The following PRICKLE4 variants were observed in gnomAD, a reference collection of about 807,000 sequenced individuals.
The protein encoded by PRICKLE4 is prickle planar cell polarity protein 4.
In PRICKLE4, 40 loss-of-function variants were observed where a neutral mutation model predicts 43.5. That is an observed-to-expected ratio of 0.92 (90% CI 0.71 to 1.20). The LOEUF (loss-of-function observed/expected upper bound fraction) is 1.20, where lower values mean the gene tolerates loss of function less well. Ranked by LOEUF, PRICKLE4 falls within the 50% of genes most tolerant of loss-of-function variation. The pLI is 0.00. For synonymous variants in PRICKLE4, 208 were observed against 197.4 expected (o/e 1.05, Z -0.45); for missense variants, 527 against 491.2 (o/e 1.07, Z -0.69).
At position 41,783,905 on chromosome 6, in the gene PRICKLE4, T is replaced by C. The variant is rs1397714212; in HGVS notation, c.133-226T>C. On this transcript the variant is annotated intron_variant, in intron 3 of 7. Coordinates refer to ENST00000458694, the MANE Select transcript of PRICKLE4 (RefSeq NM_013397.6). ...GGAAAGCATAAGAAGGGAAGCTGTT[T>C]TGGGGTGTGGGGCCTCCCCAGCCTC... 3 of 716,640 alleles carry C rather than the reference T, an allele frequency of 4.2e-6. No individual in the cohort carries two copies. The Admixed American group carries it at 6.2e-5, about 15-fold the overall frequency. The allele number at this position is 716,640 out of a possible 1,614,324, so 44.4% of individuals were successfully genotyped here.
In PRICKLE4 at chr6:41,783,521, G is replaced by A; in HGVS notation, c.48G>A (p.Lys16=). Residue 16 remains lysine (K), a synonymous_variant, in exon 3 of 8, where the codon AAG becomes AAA. Coordinates refer to ENST00000458694, the MANE Select transcript of PRICKLE4 (RefSeq NM_013397.6). The stretch of plus-strand genomic sequence containing the variant: ...GGCCCCACCAAGAAGACAGCCCCAA[G>A]CCCCAGGATCCAGGTCCACCAGCCA... ...SGWPHQEDSP[K]PQDPGPPANS... 6.3e-7 allele frequency: 1 copy of A among 1,596,424 alleles called. No individual in the cohort carries two copies. Among genetic ancestry groups the A allele is most frequent in the Non-Finnish European group, 8.6e-7 (1 of 1,164,278 alleles).
Position 41,787,053 on chromosome 6 carries a change from C to G in PRICKLE4, c.1079C>G (p.Pro360Arg). The part of the protein sequence containing the change: ...PEGFFLGERL[P>R]QSWKTPGSLQ... Reference sequence around the variant, plus strand: ...GGATTTTTCTTAGGCGAGCGCCTTCCCCAGTCCTGGAAGACCCCCGGAAGC... The same window carrying G: ...GGATTTTTCTTAGGCGAGCGCCTTCGCCAGTCCTGGAAGACCCCCGGAAGC... Residue 360 changes from proline (P) to arginine (R), a missense_variant, in exon 8 of 8, where the codon CCC becomes CGC. Transcript: ENST00000458694. 1 of 1,613,800 alleles carries G rather than the reference C, an allele frequency of 6.2e-7. No individual in the cohort carries two copies. Among genetic ancestry groups the G allele is most frequent in the Non-Finnish European group, 8.5e-7 (1 of 1,180,018 alleles).
At chr6:41,782,067 C>CT (rs557402339) in intron 2 of PRICKLE4, among the ~76,000 whole-genome samples, 26,786 of 122,160 alleles carry the variant, frequency 0.22, 4,031 homozygotes, top group Middle Eastern at 0.29. Flanking sequence ...TTAATAGTCG[C>CT]TTTTTTTTTT....
chr6:41,785,587 T>G, intron 6 of PRICKLE4, 47 bp downstream of exon 6: 1 of 1,570,914 alleles, frequency 6.4e-7, no homozygotes, highest in Non-Finnish European at 8.7e-7. Flanking sequence ...GAGTCCAGAG[T>G]GGCAGGATAC....
intron 5 of PRICKLE4, 126 bp from the exon 6 acceptor site, chr6:41,785,211 A>C: frequency 3.3e-6 from 5 of 1,512,588 alleles, no homozygotes; most frequent in Non-Finnish European, 3.6e-6. Flanking sequence ...CTCTTGGTAT[A>C]GGTTGCAGTG....
At chr6:41,783,926 G>A in intron 3 of PRICKLE4, 1 of 696,158 alleles carries the variant, frequency 1.4e-6, no homozygotes, top group Admixed American at 2.2e-5. Context: ...GGCCTCCCCA[G>A]CCTCCCTCAA....
In PRICKLE4 at chr6:41,786,161, G is replaced by T; in HGVS notation, c.616G>T (p.Gly206Ter). The T allele has an allele frequency of 6.2e-7, 1 of 1,613,788 alleles. No homozygotes were observed. Among genetic ancestry groups the T allele is most frequent in the South Asian group, 1.1e-5 (1 of 91,034 alleles). The change falls in exon 7 of 8, where the codon GGA becomes TGA. Residue 206 changes from glycine to a stop codon, truncating the protein, a stop_gained. Coordinates refer to ENST00000458694, the MANE Select transcript of PRICKLE4 (RefSeq NM_013397.6). LOFTEE classifies it high-confidence loss of function. ...CTCCTGGCGCTGCACCGAGGCGGAG[G>T]GACAGCGCTGGCATGAGAACCACTT... Reference protein sequence around the residue: ...IFSWRCTEAEGQRWHENHFCC... With the variant: ...IFSWRCTEAE
intron 4 of PRICKLE4, among the ~76,000 whole-genome samples, chr6:41,784,537 G>A (rs368380545): frequency 2.6e-5 from 4 of 152,234 alleles, no homozygotes; most frequent in African/African-American, 4.8e-5. Flanking sequence ...TGGTTGTTAC[G>A]TATTTATTGA....
intron 6 of PRICKLE4, 48 bp from the exon 7 acceptor site, chr6:41,786,080 G>A: frequency 6.4e-7 from 1 of 1,558,900 alleles, no homozygotes; most frequent in Non-Finnish European, 8.8e-7. Context: ...ATGAATGAAT[G>A]AGGGAATGAA....
At chr6:41,783,661 G>T in intron 3 of PRICKLE4, 56 bp downstream of exon 3, 1 of 1,613,576 alleles carries the variant, frequency 6.2e-7, no homozygotes, top group Non-Finnish European at 8.5e-7. Flanking sequence ...CTGTGGAGTG[G>T]CCACCCTTTT....
At chr6:41,784,398 T>C (rs1488191736) in intron 4 of PRICKLE4, among the ~76,000 whole-genome samples, 160 bp downstream of exon 4, 2 of 152,342 alleles carry the variant, frequency 1.3e-5, no homozygotes, top group African/African-American at 4.8e-5. Context: ...AGTTTTCACA[T>C]TGGCAATAAC....
At chr6:41,781,893 C>T (rs546391560) in intron 2 of PRICKLE4, among the ~76,000 whole-genome samples, 102 of 152,214 alleles carry the variant, frequency 6.7e-4, no homozygotes, top group African/African-American at 1.4e-3. Context: ...CTAGAAGAGT[C>T]CTTGGCACAG....
At chr6:41,786,067 T>C in intron 6 of PRICKLE4, 61 bp from the exon 7 acceptor site, 1 of 1,534,982 alleles carries the variant, frequency 6.5e-7, no homozygotes, top group Non-Finnish European at 9.0e-7. Context: ...GCGTGGTTAC[T>C]GGATGAATGA....
intron 4 of PRICKLE4, among the ~76,000 whole-genome samples, chr6:41,784,533 T>A (rs1023140182): frequency 2.4e-4 from 36 of 152,218 alleles, no homozygotes; most frequent in African/African-American, 8.4e-4. Flanking sequence ...AGTATGGTTG[T>A]TACGTATTTA....
chr6:41,783,607 T>C lies in PRICKLE4; in HGVS notation c.132+2T>C, dbSNP rs746085865. ...GACCCTGAGGATACCCATGCTCAGG[T>C]AGTAGAGTCGTGCCCTTCCTCTGAG... On this transcript the variant is annotated splice_donor_variant, in intron 3 of 7. Coordinates refer to ENST00000458694, the MANE Select transcript of PRICKLE4 (RefSeq NM_013397.6). LOFTEE classifies it high-confidence loss of function. The C allele has an allele frequency of 2.5e-6, 4 of 1,613,150 alleles. No individual in the cohort carries two copies. In the African/African-American group the frequency reaches 4.0e-5, roughly 16 times the overall value.
chr6:41,780,814 A>G lies in PRICKLE4; in HGVS notation c.-196A>G. The G allele has an allele frequency of 4.6e-6, 1 of 217,508 alleles. No individual in the cohort carries two copies. The highest frequency in any genetic ancestry group is 5.1e-5 in the South Asian group (1 of 19,720). The allele number at this position is 217,508 out of a possible 1,614,324, so 13.5% of individuals were successfully genotyped here. A position where few individuals can be genotyped will look rare whatever the true frequency, so the allele number is the denominator to read the frequency against. On this transcript the variant is annotated 5_prime_UTR_variant, in exon 1 of 8. Transcript: ENST00000458694. ...TCGGTCCAGAACTGCCCGGACAGCG[A>G]CGCACAGCGAGGGTGAGACCCCAGC...
intron 2 of PRICKLE4, among the ~76,000 whole-genome samples, chr6:41,782,098 C>T (rs1302563345): frequency 1.1e-4 from 14 of 133,134 alleles, no homozygotes; most frequent in African/African-American, 3.8e-4. Flanking sequence ...GACGGAGTCT[C>T]ACTCTGTTGC....
chr6:41,786,139 C>A lies in PRICKLE4; in HGVS notation c.594C>A (p.Ser198=), dbSNP rs758917310. The change falls in exon 7 of 8, where the codon TCC becomes TCA. Residue 198 remains serine, a synonymous_variant. Coordinates refer to ENST00000458694, the MANE Select transcript of PRICKLE4 (RefSeq NM_013397.6). Reference sequence around the variant, plus strand: ...TCTCCCTCTCCCAGCTGATCTTCTCCTGGCGCTGCACCGAGGCGGAGGGAC... The same window carrying A: ...TCTCCCTCTCCCAGCTGATCTTCTCATGGCGCTGCACCGAGGCGGAGGGAC... The part of the protein sequence containing the change: ...RCPACDQLIF[S]WRCTEAEGQR... The A allele has an allele frequency of 3.1e-6, 5 of 1,613,566 alleles. No homozygotes were observed. In the African/African-American group the frequency reaches 6.7e-5, roughly 22 times the overall value.
At chr6:41,784,688 C>CA in intron 4 of PRICKLE4, 1 of 552,038 alleles carries the variant, frequency 1.8e-6, no homozygotes, top group Non-Finnish European at 3.2e-6. Flanking sequence ...CTAATGGTGA[C>CA]AGGGCTAAGT....
Sources: gnomAD v4.1 joint callset for allele counts (sites outside exome capture counted in the v4.1 genomes callset) on GRCh38, gnomAD v4.1.1 for gene constraint, MANE v1.5 for transcripts, NCBI Gene and HGNC (gene_info 2026-07-23, HGNC 2026-07-21) for gene names.